The following HSPH1 variants were observed in gnomAD, a reference collection of about 807,000 sequenced individuals.
The protein encoded by HSPH1 is heat shock protein family H (Hsp110) member 1.
HSPH1 carries 40 observed loss-of-function variants against 100.0 expected under a neutral mutation model. The observed-to-expected ratio is 0.40, with a 90% confidence interval of 0.31 to 0.52. The LOEUF (loss-of-function observed/expected upper bound fraction) is 0.52, where lower values mean the gene tolerates loss of function less well. Among genes scored for constraint, HSPH1 ranks in the 20% least tolerant of loss-of-function variants. The pLI is 0.54. For synonymous variants in HSPH1, 403 were observed against 344.0 expected (o/e 1.17, Z -1.90); for missense variants, 876 against 1,015.1 (o/e 0.86, Z 1.86).
chr13:31,154,398 G>GT lies in HSPH1; in HGVS notation c.429+234dup. ...TCACAAATGGAACCAGTCAAAATCT[G>GT]TATTTTCAAAAAGTCTCACAAGAGA... On this transcript the variant is annotated intron_variant, in intron 4 of 17. Transcript: ENST00000320027. The GT allele has an allele frequency of 5.4e-6, 3 of 559,210 alleles. No homozygotes were observed. In the South Asian group the frequency reaches 6.0e-5, roughly 11 times the overall value. The allele number at this position is 559,210 out of a possible 1,614,324, so 34.6% of individuals were successfully genotyped here. A position where few individuals can be genotyped will look rare whatever the true frequency, so the allele number is the denominator to read the frequency against.
At position 31,135,142 on chromosome 13, in the gene HSPH1, G is replaced by T. The variant is rs748242900; in HGVS notation, c.*2176C>A. On this transcript the variant is annotated 3_prime_UTR_variant, in exon 18 of 18. Transcript: ENST00000320027. The stretch of plus-strand genomic sequence containing the variant: ...CTGTTTGAGCCAATGATATTAATAC[G>T]TTATTATAAAGTAATCAACATGACA... 1 of 152,178 alleles carries T rather than the reference G, an allele frequency of 6.6e-6. No homozygotes were observed. The highest frequency in any genetic ancestry group is 1.5e-5 in the Non-Finnish European group (1 of 68,038). The allele number at this position is 152,178 out of a possible 1,614,324, so 9.4% of individuals were successfully genotyped here. A position where few individuals can be genotyped will look rare whatever the true frequency, so the allele number is the denominator to read the frequency against.
At chr13:31,160,371 C>T (rs1956853474) in intron 1 of HSPH1, among the ~76,000 whole-genome samples, 1 of 152,152 alleles carries the variant, frequency 6.6e-6, no homozygotes, top group Admixed American at 6.5e-5. Flanking sequence ...TCAGATTTTC[C>T]ACTCAACTTT....
In HSPH1 at chr13:31,137,018, G is replaced by GT. The variant is rs531650585; in HGVS notation, c.*299dup. On this transcript the variant is annotated 3_prime_UTR_variant, in exon 18 of 18. Coordinates refer to ENST00000320027, the MANE Select transcript of HSPH1 (RefSeq NM_006644.4). Reference sequence around the variant, plus strand: ...ACAGCCCTCTTGAACAAGCAGTACAGTTTTTTTTCTCCAAAAGACAAAAGT... The same window carrying GT: ...ACAGCCCTCTTGAACAAGCAGTACAGTTTTTTTTTCTCCAAAAGACAAAAGT... 2.4e-3 allele frequency: 1,186 copies of GT among 494,818 alleles called. 18 individuals are homozygous for GT. Among genetic ancestry groups the GT allele is most frequent in the South Asian group, 0.016 (884 of 57,024 alleles). The allele number at this position is 494,818 out of a possible 1,614,324, so 30.7% of individuals were successfully genotyped here.
intron 1 of HSPH1, 108 bp from the exon 2 acceptor site, chr13:31,158,971 C>A: frequency 1.4e-6 from 1 of 696,208 alleles, no homozygotes; most frequent in Non-Finnish European, 2.6e-6. Context: ...GGATAGGGAA[C>A]AAGCATAGCA....
At chr13:31,145,898 T>C in intron 10 of HSPH1, 130 bp from the exon 11 acceptor site, 1 of 722,692 alleles carries the variant, frequency 1.4e-6, no homozygotes, top group Non-Finnish European at 2.3e-6. Context: ...GGTGGGTCAC[T>C]TGAGCCCAAG....
intron 1 of HSPH1, 146 bp downstream of exon 1, chr13:31,161,330 G>T: frequency 7.1e-7 from 1 of 1,398,698 alleles, no homozygotes; most frequent in Non-Finnish European, 9.6e-7. Flanking sequence ...TGGCCGGGTC[G>T]CTGGTCCCTA....
intron 12 of HSPH1, among the ~76,000 whole-genome samples, chr13:31,142,085 A>C (rs921960478): frequency 1.4e-4 from 21 of 152,136 alleles, no homozygotes; most frequent in African/African-American, 5.1e-4. Flanking sequence ...AACTGAGCAG[A>C]CTCAGTTGTA....
chr13:31,161,624 G>C lies in HSPH1; in HGVS notation c.-42C>G. The stretch of plus-strand genomic sequence containing the variant: ...GCCTCCGCCTCGGGTCTCGGTCTGC[G>C]TCCTCCGGCCCCCTGCCTGCTTCTC... On this transcript the variant is annotated 5_prime_UTR_variant, in exon 1 of 18. Coordinates refer to ENST00000320027, the MANE Select transcript of HSPH1 (RefSeq NM_006644.4). 3 of 1,605,432 alleles carry C rather than the reference G, an allele frequency of 1.9e-6. No individual in the cohort carries two copies. The highest frequency in any genetic ancestry group is 2.5e-6 in the Non-Finnish European group (3 of 1,178,948).
intron 16 of HSPH1, 26 bp downstream of exon 16, chr13:31,138,751 TCCTC>T (rs751817662): frequency 1.3e-5 from 21 of 1,586,086 alleles, no homozygotes; most frequent in South Asian, 1.3e-4. Flanking sequence ...TAGGTTAACT[TCCTC>T]CCTATGTACA....
In HSPH1 at chr13:31,155,250, T is replaced by G. The variant is rs558539145; in HGVS notation, c.306+264A>C. ...GATACATGAACACAATGTCGATTTT[T>G]TTTCCAACATCAAATAAACCTAAAT... On this transcript the variant is annotated intron_variant, in intron 3 of 17. Coordinates refer to ENST00000320027, the MANE Select transcript of HSPH1 (RefSeq NM_006644.4). Among the ~76,000 whole-genome samples, 44 of 152,302 alleles carry G rather than the reference T, an allele frequency of 2.9e-4. No homozygotes were observed. In the South Asian group the frequency reaches 9.1e-3, roughly 32 times the overall value.
At chr13:31,149,246 A>G (rs1956388130) in intron 8 of HSPH1, among the ~76,000 whole-genome samples, 1 of 152,106 alleles carries the variant, frequency 6.6e-6, no homozygotes, top group Non-Finnish European at 1.5e-5. Context: ...GTATCTACAT[A>G]TTCTTCCTTT....
At chr13:31,143,948 G>A in intron 11 of HSPH1, 25 bp from the exon 12 acceptor site, 1 of 1,560,924 alleles carries the variant, frequency 6.4e-7, no homozygotes, top group South Asian at 1.2e-5. Context: ...CAGGCACAAA[G>A]GATGTAGAAA....
At chr13:31,160,045 G>A (rs1956840767) in intron 1 of HSPH1, among the ~76,000 whole-genome samples, 1 of 152,054 alleles carries the variant, frequency 6.6e-6, no homozygotes, top group South Asian at 2.1e-4. Context: ...ACATATTAAG[G>A]GGAACTCCAA....
chr13:31,140,941 ATTT>A, intron 13 of HSPH1, 178 bp downstream of exon 13: 2 of 419,130 alleles, frequency 4.8e-6, no homozygotes, highest in Non-Finnish European at 4.2e-6. Context: ...AAGCAGAAAG[ATTT>A]TTTTGTTAAA....
chr13:31,148,763 T>C (rs1956369679), intron 8 of HSPH1, among the ~76,000 whole-genome samples: 1 of 152,110 alleles, frequency 6.6e-6, no homozygotes, highest in South Asian at 2.1e-4. Flanking sequence ...CTGGTCTTTC[T>C]AGAAATGCCT....
rs774276971 is a variant in HSPH1 at position 31,151,658 on chromosome 13, T to A, written c.614A>T (p.His205Leu). 2 of 1,613,108 alleles carry A rather than the reference T, an allele frequency of 1.2e-6. No homozygotes were observed. Among genetic ancestry groups the A allele is most frequent in the Non-Finnish European group, 8.5e-7 (1 of 1,179,506 alleles). The change falls in exon 6 of 18, where the codon CAT becomes CTT. Residue 205 changes from histidine to leucine, a missense_variant. Coordinates refer to ENST00000320027, the MANE Select transcript of HSPH1 (RefSeq NM_006644.4). ...ACAAGCAGACACTTGAAAAGCTGAA[T>A]GTCCCATATCAACAAAAACCACTAT... Reference protein sequence around the residue: ...PRIVVFVDMGHSAFQVSACAF... With the variant: ...PRIVVFVDMGLSAFQVSACAF...
At chr13:31,154,025 A>T (rs2137077) in intron 4 of HSPH1, 44,531 of 152,680 alleles carry the variant, frequency 0.29, 6,902 homozygotes, top group East Asian at 0.46. Flanking sequence ...CGTTGCTCAT[A>T]CTATAGAGCA....
chr13:31,153,000 T>C (rs1475942371), intron 4 of HSPH1, 49 bp from the exon 5 acceptor site: 2 of 1,243,766 alleles, frequency 1.6e-6, no homozygotes, highest in Non-Finnish European at 2.3e-6. Flanking sequence ...AAAATATACT[T>C]AGAAATTCCT....
intron 4 of HSPH1, 30 bp from the exon 5 acceptor site, chr13:31,152,981 C>T: frequency 7.1e-7 from 1 of 1,418,178 alleles, no homozygotes; most frequent in Non-Finnish European, 1.0e-6. Context: ...TTTGAATTAT[C>T]TAGAACACAA....
Sources: gnomAD v4.1 joint callset for allele counts (sites outside exome capture counted in the v4.1 genomes callset) on GRCh38, gnomAD v4.1.1 for gene constraint, MANE v1.5 for transcripts, NCBI Gene and HGNC (gene_info 2026-07-23, HGNC 2026-07-21) for gene names.